The following NUP153 variants were observed in gnomAD, a reference collection of about 807,000 sequenced individuals.
The protein encoded by NUP153 is nucleoporin 153, also known as nuclear pore complex protein Nup153.
A neutral mutation model predicts 134.6 loss-of-function variants in NUP153; 27 were observed. The ratio of observed to expected loss-of-function variants is 0.20; its 90% CI spans 0.15 to 0.28. NUP153 has a LOEUF of 0.28. NUP153 is among the 10% of genes least tolerant of loss of function. The pLI, the probability that NUP153 is intolerant of heterozygous loss-of-function variation, is 1.00. For synonymous variants in NUP153, 640 were observed against 623.5 expected (o/e 1.03, Z -0.40); for missense variants, 1,821 against 1,731.3 (o/e 1.05, Z -0.92).
intron 1 of NUP153, among the ~76,000 whole-genome samples, chr6:17,705,488 T>C (rs1770418208): frequency 6.7e-6 from 1 of 149,700 alleles, no homozygotes; most frequent in African/African-American, 2.5e-5. Context: ...CCTCATAATA[T>C]TAAAATATTT....
rs368093538 is a variant in NUP153 at position 17,616,214 on chromosome 6, G to T, written c.4344-33C>A. 9.9e-4 allele frequency: 1,295 copies of T among 1,308,466 alleles called. 2 individuals are homozygous for T. Among genetic ancestry groups the T allele is most frequent in the Non-Finnish European group, 1.2e-3 (1,216 of 974,476 alleles). The allele number at this position is 1,308,466 out of a possible 1,614,324, so 81.1% of individuals were successfully genotyped here. ...AAATAAAAACTTCATAATGTGACAT[G>T]ATGCTCTGAGCAAAATTTCCAAATG... On this transcript the variant is annotated intron_variant, in intron 21 of 21. Transcript: ENST00000262077.
chr6:17,696,431 C>CT (rs1386977659), intron 1 of NUP153, among the ~76,000 whole-genome samples: 2 of 152,102 alleles, frequency 1.3e-5, no homozygotes, highest in Non-Finnish European at 2.9e-5. Context: ...GGGAAATAAG[C>CT]TTTCTGTATG....
intron 11 of NUP153, among the ~76,000 whole-genome samples, chr6:17,651,285 A>G (rs1183497028): frequency 6.6e-6 from 1 of 152,128 alleles, no homozygotes; most frequent in East Asian, 1.9e-4. Context: ...CCTGGGTGAC[A>G]GCAAGAACCC....
intron 1 of NUP153, among the ~76,000 whole-genome samples, chr6:17,705,931 CAT>C (rs964291231): frequency 1.3e-5 from 2 of 152,166 alleles, no homozygotes; most frequent in Non-Finnish European, 2.9e-5. Context: ...CTCGAGAGAA[CAT>C]GAGTAATACC....
Position 17,625,751 on chromosome 6 carries a change from C to T in NUP153, c.3901+57G>A. 1 of 1,304,774 alleles carries T rather than the reference C, an allele frequency of 7.7e-7. No homozygotes were observed. Among genetic ancestry groups the T allele is most frequent in the Non-Finnish European group, 1.1e-6 (1 of 911,886 alleles). 80.8% of individuals were successfully genotyped at this position (1,304,774 alleles called of 1,614,324 possible). ...CTATATGATATTCGCTAAGAACTGA[C>T]ACACTAATAAGTAAAGTCCATCCAA... On this transcript the variant is annotated intron_variant, in intron 19 of 21. Coordinates refer to ENST00000262077, the MANE Select transcript of NUP153 (RefSeq NM_005124.4). This position sits in a 1 kb window ranked among gnomAD's most constrained non-coding sequence, Gnocchi z 4.7.
At chr6:17,654,217 C>T (rs1263847230) in intron 11 of NUP153, among the ~76,000 whole-genome samples, 1 of 152,180 alleles carries the variant, frequency 6.6e-6, no homozygotes, top group African/African-American at 2.4e-5. Flanking sequence ...GTCCAACCTC[C>T]AGCGTAGAAC....
chr6:17,669,048 CT>C lies in NUP153; in HGVS notation c.1015-21del. The C allele has an allele frequency of 1.5e-6, 2 of 1,358,284 alleles. No individual in the cohort carries two copies. The highest frequency in any genetic ancestry group is 2.0e-6 in the Non-Finnish European group (2 of 1,001,500). The allele number at this position is 1,358,284 out of a possible 1,614,324, so 84.1% of individuals were successfully genotyped here. A position where few individuals can be genotyped will look rare whatever the true frequency, so the allele number is the denominator to read the frequency against. On this transcript the variant is annotated intron_variant, in intron 7 of 21. Transcript: ENST00000262077. The stretch of plus-strand genomic sequence containing the variant: ...AAGAGGCTGAAAAAAAAAAAAAACA[CT>C]ATTAGAATAGATGGGGAGTTATGAA...
chr6:17,666,582 A>C (rs1446425249), intron 8 of NUP153, among the ~76,000 whole-genome samples: 1 of 152,162 alleles, frequency 6.6e-6, no homozygotes, highest in Non-Finnish European at 1.5e-5. Flanking sequence ...ATCCCTCTCC[A>C]AGTTATTTCC....
intron 11 of NUP153, among the ~76,000 whole-genome samples, chr6:17,650,638 A>G (rs2113801291): frequency 6.6e-6 from 1 of 152,208 alleles, no homozygotes; most frequent in African/African-American, 2.4e-5. Flanking sequence ...CAGATAAAAC[A>G]AAGAATCTAC....
At chr6:17,698,507 G>A (rs1769813097) in intron 1 of NUP153, among the ~76,000 whole-genome samples, 1 of 152,126 alleles carries the variant, frequency 6.6e-6, no homozygotes, top group Non-Finnish European at 1.5e-5. Context: ...GGGAGGCCGA[G>A]GTGGGCGGAT....
chr6:17,658,332 G>A (rs1766962311), intron 11 of NUP153, among the ~76,000 whole-genome samples: 1 of 152,208 alleles, frequency 6.6e-6, no homozygotes, highest in African/African-American at 2.4e-5. Flanking sequence ...AGAGGCAGAG[G>A]CTGCAGTGAG....
chr6:17,652,377 T>TC (rs929286192), intron 11 of NUP153, among the ~76,000 whole-genome samples: 1 of 151,092 alleles, frequency 6.6e-6, no homozygotes, highest in Non-Finnish European at 1.5e-5. Context: ...ATCAATACCC[T>TC]CCCCCCCAAA....
chr6:17,653,200 C>T (rs2113804664), intron 11 of NUP153, among the ~76,000 whole-genome samples: 1 of 152,244 alleles, frequency 6.6e-6, no homozygotes, highest in South Asian at 2.1e-4. Flanking sequence ...CTGCAGTGAG[C>T]CAAGATCGTG....
At chr6:17,640,313 C>T (rs1211586117) in intron 14 of NUP153, among the ~76,000 whole-genome samples, 1 of 152,160 alleles carries the variant, frequency 6.6e-6, no homozygotes, top group Non-Finnish European at 1.5e-5. Context: ...CTATAATTAT[C>T]GTCCAATTAA....
chr6:17,653,754 AAGG>A (rs1367763870), intron 11 of NUP153, among the ~76,000 whole-genome samples: 1 of 152,192 alleles, frequency 6.6e-6, no homozygotes, highest in African/African-American at 2.4e-5. Flanking sequence ...ACTGACTGAG[AAGG>A]AGGACAACTG....
chr6:17,620,317 T>C (rs143270303), intron 20 of NUP153, among the ~76,000 whole-genome samples: 6 of 152,196 alleles, frequency 3.9e-5, no homozygotes, highest in Non-Finnish European at 8.8e-5. Context: ...TGGAATAGAA[T>C]AGAGAATTCA....
At chr6:17,657,791 C>T (rs1039802438) in intron 11 of NUP153, among the ~76,000 whole-genome samples, 3 of 152,148 alleles carry the variant, frequency 2.0e-5, no homozygotes, top group Non-Finnish European at 4.4e-5. Flanking sequence ...TAGGTTGGTG[C>T]AAACGTAATT....
chr6:17,669,137 G>C lies in NUP153; in HGVS notation c.1015-109C>G, dbSNP rs2113826466. ...TCTGTCGCCCAGGCTGGAGTGCAGT[G>C]GCGCGATCTTGACTCACTGCAACCT... On this transcript the variant is annotated intron_variant, in intron 7 of 21. Coordinates refer to ENST00000262077, the MANE Select transcript of NUP153 (RefSeq NM_005124.4). 2.9e-6 allele frequency: 3 copies of C among 1,017,952 alleles called. No individual in the cohort carries two copies. The East Asian group carries it at 7.3e-5, about 25-fold the overall frequency. The allele number at this position is 1,017,952 out of a possible 1,614,324, so 63.1% of individuals were successfully genotyped here. A position where few individuals can be genotyped will look rare whatever the true frequency, so the allele number is the denominator to read the frequency against.
intron 1 of NUP153, among the ~76,000 whole-genome samples, chr6:17,693,658 G>A (rs949142877): frequency 1.1e-4 from 15 of 134,284 alleles, no homozygotes; most frequent in Admixed American, 2.1e-4. Context: ...AGGCCGAGGC[G>A]GGCAGATCAC....
Sources: gnomAD v4.1 joint callset for allele counts (sites outside exome capture counted in the v4.1 genomes callset) on GRCh38, gnomAD v4.1.1 for gene constraint, Gnocchi (gnomAD v3.1) non-coding constraint, MANE v1.5 for transcripts, NCBI Gene and HGNC (gene_info 2026-07-23, HGNC 2026-07-21) for gene names.